Variants in ZFYVE28 observed in about 807,000 individuals in gnomAD.
ZFYVE28 encodes the protein lateral signaling target protein 2 homolog.
ZFYVE28 carries 40 observed loss-of-function variants against 82.1 expected under a neutral mutation model. That is an observed-to-expected ratio of 0.49 (90% CI 0.38 to 0.63). The LOEUF is 0.63. Among genes scored for constraint, ZFYVE28 ranks in the 30% least tolerant of loss-of-function variants. ZFYVE28 has a pLI of 0.00. For missense variants in ZFYVE28, 1,321 were observed against 1,242.1 expected, an observed-to-expected ratio of 1.06 and a Z score of -0.96; for synonymous variants, 612 against 546.1, an observed-to-expected ratio of 1.12 and a Z score of -1.68.
chr4:2,304,473 C>T lies in ZFYVE28; in HGVS notation c.1867G>A (p.Gly623Arg), dbSNP rs766765960. The change falls in exon 8 of 13, where the codon GGG (glycine) becomes AGG (arginine). Residue 623 changes from glycine to arginine, a missense_variant. Gly to Arg is a moderately radical substitution (Grantham distance 125). Coordinates refer to ENST00000290974, the MANE Select transcript of ZFYVE28 (RefSeq NM_020972.3). ...APPPSEDASN[G>R]REPKAPTSDK... The stretch of plus-strand genomic sequence containing the variant: ...GAAGTGGGGGCTTTGGGCTCCCGCC[C>T]GTTGGAGGCATCTTCTGAGGGTGGG... 3.8e-5 allele frequency: 61 copies of T among 1,613,220 alleles called. No individual in the cohort carries two copies. The highest frequency in any genetic ancestry group is 3.2e-4 in the South Asian group (29 of 91,082).
chr4:2,361,431 G>A (rs1013957571), intron 1 of ZFYVE28, among the ~76,000 whole-genome samples: 4 of 152,164 alleles, frequency 2.6e-5, no homozygotes, highest in Middle Eastern at 3.2e-3. Flanking sequence ...CGGTGCGCAC[G>A]TGTGAGCTCA....
At chr4:2,286,459 A>T (rs1196221618) in intron 8 of ZFYVE28, 1 of 152,310 alleles carries the variant, frequency 6.6e-6, no homozygotes, top group Non-Finnish European at 1.5e-5. Flanking sequence ...TTCTCAATCA[A>T]CAAGAAGCGA....
intron 1 of ZFYVE28, among the ~76,000 whole-genome samples, chr4:2,388,656 C>T (rs1011142427): frequency 3.3e-5 from 5 of 152,162 alleles, no homozygotes; most frequent in Admixed American, 1.3e-4. Flanking sequence ...AGAACGAACA[C>T]GGTGGATGAC....
chr4:2,300,163 G>T lies in ZFYVE28; in HGVS notation c.2051+4126C>A, dbSNP rs192685849. ...ACCACATCTATAATTAGCAAACAGG[G>T]AGTCAGTGTTACTTTTTGCAGAAGG... On this transcript the variant is annotated intron_variant, in intron 8 of 12. Transcript: ENST00000290974. This position sits in a 1 kb window ranked among gnomAD's most constrained non-coding sequence, Gnocchi z 4.6. 4.2e-4 allele frequency among the ~76,000 whole-genome samples: 64 copies of T among 152,296 alleles called. No homozygotes were observed. The highest frequency in any genetic ancestry group is 9.8e-4 in the Admixed American group (15 of 15,296).
At chr4:2,314,958 T>A (rs951580413) in intron 7 of ZFYVE28, among the ~76,000 whole-genome samples, 2 of 152,128 alleles carry the variant, frequency 1.3e-5, no homozygotes, top group Non-Finnish European at 2.9e-5. Context: ...TTCTTTTTTT[T>A]AACTAGAGAG....
At chr4:2,388,051 G>A (rs1729458256) in intron 1 of ZFYVE28, among the ~76,000 whole-genome samples, 1 of 152,236 alleles carries the variant, frequency 6.6e-6, no homozygotes, top group East Asian at 1.9e-4. Flanking sequence ...CCCATGGTCT[G>A]CAGGAACCCA....
intron 1 of ZFYVE28, among the ~76,000 whole-genome samples, chr4:2,356,430 CCCT>C (rs375139034): frequency 1.2e-4 from 4 of 32,276 alleles, no homozygotes; most frequent in East Asian, 1.6e-3. Flanking sequence ...TGTGCCCGCC[CCCT>C]CCCCGGCCGT....
chr4:2,403,758 A>T (rs1225078544), intron 1 of ZFYVE28, among the ~76,000 whole-genome samples: 1 of 152,058 alleles, frequency 6.6e-6, no homozygotes. Context: ...TGAGGTCAGG[A>T]ATTCGACACC....
chr4:2,399,392 C>T (rs71606392), intron 1 of ZFYVE28, among the ~76,000 whole-genome samples: 373 of 152,274 alleles, frequency 2.4e-3, no homozygotes, highest in South Asian at 4.3e-3. Flanking sequence ...TGGGCTGGCC[C>T]GTGACTTGCC....
chr4:2,334,325 A>C (rs1237099693), intron 6 of ZFYVE28, among the ~76,000 whole-genome samples: 2 of 151,982 alleles, frequency 1.3e-5, no homozygotes, highest in African/African-American at 4.8e-5. Context: ...AGGGGTGTCC[A>C]GACTGGCCCC....
chr4:2,386,303 G>A (rs1729251810), intron 1 of ZFYVE28, among the ~76,000 whole-genome samples: 1 of 152,228 alleles, frequency 6.6e-6, no homozygotes, highest in Admixed American at 6.5e-5. Context: ...TGGCCAACAT[G>A]GTGAAACCTC....
intron 8 of ZFYVE28, among the ~76,000 whole-genome samples, chr4:2,279,336 C>T (rs1711583087): frequency 6.6e-6 from 1 of 152,132 alleles, no homozygotes; most frequent in African/African-American, 2.4e-5. Flanking sequence ...GGAAGCTGAG[C>T]AGGAGAATTG....
At chr4:2,283,361 A>ATCCC in intron 8 of ZFYVE28, among the ~76,000 whole-genome samples, 1 of 132,640 alleles carries the variant, frequency 7.5e-6, no homozygotes, top group Admixed American at 7.8e-5. Context: ...CCATCCATCC[A>ATCCC]TCCATCCATC....
In ZFYVE28 at chr4:2,341,633, A is replaced by T; in HGVS notation, c.181-18T>A. 6.3e-7 allele frequency: 1 copy of T among 1,596,630 alleles called. No individual in the cohort carries two copies. The highest frequency in any genetic ancestry group is 8.6e-7 in the Non-Finnish European group (1 of 1,165,724). On this transcript the variant is annotated intron_variant, in intron 2 of 12. Coordinates refer to ENST00000290974, the MANE Select transcript of ZFYVE28 (RefSeq NM_020972.3). The surrounding 1 kb of genome is among the most constrained non-coding windows in gnomAD (Gnocchi z 4.5). ...ACATTGTCCTGAAACAGAAGACAGG[A>T]GAAAGTGCGCCAATCGCTGTGTCCA...
chr4:2,404,320 A>AAC, intron 1 of ZFYVE28, among the ~76,000 whole-genome samples: 1 of 41,424 alleles, frequency 2.4e-5, no homozygotes, highest in Non-Finnish European at 4.5e-5. Flanking sequence ...AAAAAAAAAA[A>AAC]AAAAAAAACG....
At chr4:2,337,280 G>A in intron 5 of ZFYVE28, 127 bp downstream of exon 5, 1 of 753,476 alleles carries the variant, frequency 1.3e-6, no homozygotes, top group Admixed American at 2.8e-5. Flanking sequence ...GACACGTCTG[G>A]TGCCTTCCAT....
At chr4:2,321,424 C>T (rs192135101) in intron 6 of ZFYVE28, among the ~76,000 whole-genome samples, 84 of 152,266 alleles carry the variant, frequency 5.5e-4, no homozygotes, top group Admixed American at 1.9e-3. Flanking sequence ...TTGAAAGTCA[C>T]AGGAAAAGTA....
At chr4:2,403,318 A>T (rs931531994) in intron 1 of ZFYVE28, among the ~76,000 whole-genome samples, 2 of 152,204 alleles carry the variant, frequency 1.3e-5, no homozygotes, top group African/African-American at 2.4e-5. Flanking sequence ...CTGCCACTCA[A>T]GTGGGGGCGT....
At chr4:2,285,533 C>G (rs149631456) in intron 8 of ZFYVE28, 1 of 152,332 alleles carries the variant, frequency 6.6e-6, no homozygotes, top group Non-Finnish European at 1.5e-5. Context: ...CAGCCCCTTG[C>G]AAAGTCATTC....
Sources: gnomAD v4.1 joint callset for allele counts (sites outside exome capture counted in the v4.1 genomes callset) on GRCh38, gnomAD v4.1.1 for gene constraint, Gnocchi (gnomAD v3.1) non-coding constraint, MANE v1.5 for transcripts, NCBI Gene and HGNC (gene_info 2026-07-23, HGNC 2026-07-21) for gene names.